JOSD2: variants seen among roughly 807,000 people sequenced by gnomAD.
The protein encoded by JOSD2 is josephin-2.
Under a neutral mutation model 19.3 loss-of-function variants are expected in JOSD2, and 20 were observed. That is an observed-to-expected ratio of 1.04 (90% CI 0.73 to 1.51). JOSD2 has a LOEUF of 1.51. Among genes scored for constraint, JOSD2 ranks in the 40% most tolerant of loss-of-function variants. The probability of loss-of-function intolerance (pLI) is 0.00; values close to 1 mark genes in which losing one functional copy is unlikely to be tolerated. For missense variants in JOSD2, 215 were observed against 250.4 expected, an observed-to-expected ratio of 0.86 and a Z score of 0.95; for synonymous variants, 118 against 123.7, an observed-to-expected ratio of 0.95 and a Z score of 0.31.
chr19:50,510,822 A>G (rs1304532397), intron 1 of JOSD2, among the ~76,000 whole-genome samples: 2 of 151,234 alleles, frequency 1.3e-5, no homozygotes, highest in Admixed American at 1.3e-4. Flanking sequence ...ACTAGGTAAC[A>G]AAGTCTGTCC....
intron 2 of JOSD2, among the ~76,000 whole-genome samples, chr19:50,509,384 C>T (rs1265620392): frequency 2.0e-5 from 3 of 152,050 alleles, no homozygotes; most frequent in Non-Finnish European, 4.4e-5. Flanking sequence ...TGAGCCACTG[C>T]GCCCGGCCAA....
rs1568699740 is a variant in JOSD2, at chr19:50,506,005, A to G, written c.*168T>C. On this transcript the variant is annotated 3_prime_UTR_variant, in exon 5 of 5. Transcript: ENST00000598418. ...TCAGACACAGGCCAGGCAGGCAGCA[A>G]ATCAGCAGATTTATTGAGGCAGCAG... is the stretch of plus-strand genomic sequence containing the variant. 4 of 659,336 alleles carry G rather than the reference A, an allele frequency of 6.1e-6. No individual in the cohort carries two copies. The highest frequency in any genetic ancestry group is 3.1e-5 in the Admixed American group (1 of 32,618). The allele number at this position is 659,336 out of a possible 1,614,324, so 40.8% of individuals were successfully genotyped here. A position where few individuals can be genotyped will look rare whatever the true frequency, so the allele number is the denominator to read the frequency against.
In JOSD2 at chr19:50,510,277, G is replaced by A. The variant is rs893115715; in HGVS notation, c.146+9C>T. On this transcript the variant is annotated intron_variant, in intron 2 of 4. Transcript: ENST00000598418. ...TGCTGCTCCAGGGGCTGGGGTGGGTGACGGTCACCTCTTGCAGATCTCATC... is the reference window on the plus strand; with the variant it reads ...TGCTGCTCCAGGGGCTGGGGTGGGTAACGGTCACCTCTTGCAGATCTCATC... The A allele has an allele frequency of 1.9e-6, 3 of 1,613,110 alleles. No homozygotes were observed. The highest frequency in any genetic ancestry group is 1.3e-5 in the African/African-American group (1 of 74,944).
chr19:50,508,372 G>A (rs760035411), intron 2 of JOSD2, among the ~76,000 whole-genome samples: 2 of 152,058 alleles, frequency 1.3e-5, no homozygotes, highest in African/African-American at 2.4e-5. Context: ...CTTCTCCCAC[G>A]GGGTTGCCCT....
Position 50,506,521 on chromosome 19 carries a change from C to T in JOSD2, c.324G>A (p.Leu108=), listed in dbSNP as rs750355363. 9.0e-6 allele frequency: 14 copies of T among 1,552,106 alleles called. No individual in the cohort carries two copies. The African/African-American group carries it at 1.2e-4, about 14-fold the overall frequency. ...LPQVLGLILN[L]PSPVSLGLLS... ...GCAGCCCCAGCGACACGGGCGAGGG[C>T]AGGTTCAGGATCAGCCCCAGTACCT... The change falls in exon 4 of 5, where the codon CTG becomes CTA. Residue 108 remains leucine (L), a synonymous_variant. Coordinates refer to ENST00000598418, the MANE Select transcript of JOSD2 (RefSeq NM_001270639.2).
intron 3 of JOSD2, among the ~76,000 whole-genome samples, chr19:50,506,807 ACCC>A (rs1979388833): frequency 4.9e-5 from 1 of 20,410 alleles, no homozygotes; most frequent in Non-Finnish European, 1.1e-4. Context: ...CCGTCCACCC[ACCC>A]ACCCACCGTC....
chr19:50,507,086 C>T (rs1213648886), intron 3 of JOSD2, among the ~76,000 whole-genome samples: 3 of 143,838 alleles, frequency 2.1e-5, no homozygotes, highest in Non-Finnish European at 3.0e-5. Flanking sequence ...TAGCCATCTA[C>T]TGTTCACCAC....
chr19:50,507,908 C>T (rs1979482423), intron 2 of JOSD2: 2 of 630,788 alleles, frequency 3.2e-6, no homozygotes, highest in Admixed American at 5.7e-5. Flanking sequence ...TGCCCTGTCC[C>T]CAAGTCCTGC....
intron 2 of JOSD2, among the ~76,000 whole-genome samples, chr19:50,508,342 C>T (rs550257656): frequency 2.6e-3 from 403 of 152,324 alleles, no homozygotes; most frequent in Non-Finnish European, 4.3e-3. Context: ...GCCCGCATCA[C>T]CCTGATTTAA....
At chr19:50,509,377 G>C (rs1318563812) in intron 2 of JOSD2, among the ~76,000 whole-genome samples, 5 of 152,112 alleles carry the variant, frequency 3.3e-5, no homozygotes, top group Non-Finnish European at 5.9e-5. Flanking sequence ...ACAGGTGTGA[G>C]CCACTGCGCC....
intron 2 of JOSD2, among the ~76,000 whole-genome samples, chr19:50,509,163 T>C (rs1171675137): frequency 2.0e-5 from 3 of 150,298 alleles, no homozygotes; most frequent in Non-Finnish European, 3.0e-5. Context: ...CTGAAACCTC[T>C]GTCTCCCAGC....
chr19:50,507,597 G>A lies in JOSD2; in HGVS notation c.249C>T (p.Ala83=), dbSNP rs747446435. ...ACCTCCTCCTGTCCCACCACACGGC[G>A]GCCAGGCCCAGCCCCTGCAGAGCGG... is the stretch of plus-strand genomic sequence containing the variant. ...IMAALQGLGL[A]AVWWDRRRPL... Residue 83 remains alanine, a synonymous_variant, in exon 3 of 5, where the codon GCC becomes GCT. Coordinates refer to ENST00000598418, the MANE Select transcript of JOSD2 (RefSeq NM_001270639.2). 25 of 1,607,678 alleles carry A rather than the reference G, an allele frequency of 1.6e-5. No individual in the cohort carries two copies. Among genetic ancestry groups the A allele is most frequent in the East Asian group, 4.5e-5 (2 of 44,808 alleles).
At chr19:50,506,708 C>T (rs1052361991) in intron 3 of JOSD2, 136 bp from the exon 4 acceptor site, 7 of 762,460 alleles carry the variant, frequency 9.2e-6, no homozygotes, top group African/African-American at 1.8e-5. Context: ...TAATCAGCCA[C>T]CCTGGTTCCC....
Position 50,510,401 on chromosome 19 carries a change from G to GGCTCGGCTGT in JOSD2, c.21_30dup (p.Pro11ThrfsTer32). 1 of 1,612,212 alleles carries GGCTCGGCTGT rather than the reference G, an allele frequency of 6.2e-7. No homozygotes were observed. The highest frequency in any genetic ancestry group is 8.5e-7 in the Non-Finnish European group (1 of 1,179,190). On this transcript the variant is annotated frameshift_variant, in exon 2 of 5. Transcript: ENST00000598418. LOFTEE classifies it high-confidence loss of function. The stretch of plus-strand genomic sequence containing the variant: ...TGCCGTTCGTGGTACACGGTGGGTG[G>GGCTCGGCTGT]GCTCGGCTGTGCTCCCGGGGCCTGG...
chr19:50,507,448 G>T, intron 3 of JOSD2, 126 bp downstream of exon 3: 2 of 1,326,910 alleles, frequency 1.5e-6, no homozygotes, highest in Non-Finnish European at 2.0e-6. Context: ...ACCCATCAGT[G>T]CCAGGCTTCC....
chr19:50,507,597 G>T lies in JOSD2; in HGVS notation c.249C>A (p.Ala83=). The T allele has an allele frequency of 6.2e-7, 1 of 1,607,796 alleles. No individual in the cohort carries two copies. Residue 83 remains alanine, a synonymous_variant, in exon 3 of 5, where the codon GCC becomes GCA. Coordinates refer to ENST00000598418, the MANE Select transcript of JOSD2 (RefSeq NM_001270639.2). ...IMAALQGLGL[A]AVWWDRRRPL... The stretch of plus-strand genomic sequence containing the variant: ...ACCTCCTCCTGTCCCACCACACGGC[G>T]GCCAGGCCCAGCCCCTGCAGAGCGG...
At chr19:50,510,111 G>C (rs2122714901) in intron 2 of JOSD2, 175 bp downstream of exon 2, 1 of 655,358 alleles carries the variant, frequency 1.5e-6, no homozygotes, top group African/African-American at 1.9e-5. Context: ...TGAGGCCACA[G>C]GGACAGACAG....
chr19:50,510,153 G>T, intron 2 of JOSD2, 133 bp downstream of exon 2: 1 of 1,047,242 alleles, frequency 9.5e-7, no homozygotes. Context: ...CAGAGTCCCA[G>T]CGTCTAGCTT....
chr19:50,510,466 G>GTT lies in JOSD2; in HGVS notation c.-17-19_-17-18insAA, dbSNP rs1979724405. The GTT allele has an allele frequency of 6.3e-7, 1 of 1,581,998 alleles. No homozygotes were observed. The highest frequency in any genetic ancestry group is 1.3e-5 in the African/African-American group (1 of 74,170). ...GGCTCCTGCTGGGGGTTGGGAGGGGGAGAAGGTCCTCAGGGGCCCGGGATC... is the reference window on the plus strand; with the variant it reads ...GGCTCCTGCTGGGGGTTGGGAGGGGGTTAGAAGGTCCTCAGGGGCCCGGGATC... On this transcript the variant is annotated intron_variant, in intron 1 of 4. Coordinates refer to ENST00000598418, the MANE Select transcript of JOSD2 (RefSeq NM_001270639.2).
Sources: allele counts gnomAD v4.1 joint callset (sites outside exome capture counted in the v4.1 genomes callset), GRCh38; gene constraint gnomAD v4.1.1; transcripts MANE v1.5; gene names NCBI Gene and HGNC (gene_info 2026-07-23, HGNC 2026-07-21).